The following ADARB2 variants were observed in gnomAD, a reference collection of about 807,000 sequenced individuals.
The protein encoded by ADARB2 is inactive double-stranded RNA-specific editase B2.
A neutral mutation model predicts 62.2 loss-of-function variants in ADARB2; 25 were observed. The ratio of observed to expected loss-of-function variants is 0.40; its 90% CI spans 0.29 to 0.56. The LOEUF is 0.56. ADARB2 is among the 20% of genes least tolerant of loss of function. The probability of loss-of-function intolerance (pLI) is 0.43; values close to 1 mark genes in which losing one functional copy is unlikely to be tolerated. For missense variants in ADARB2, 1,071 were observed against 1,077.4 expected (o/e 0.99, Z 0.08); for synonymous variants, 572 against 500.8 (o/e 1.14, Z -1.90).
chr10:1,653,389 A>C (rs1834134619), intron 1 of ADARB2, among the ~76,000 whole-genome samples: 1 of 152,184 alleles, frequency 6.6e-6, no homozygotes, highest in Non-Finnish European at 1.5e-5. Context: ...GTCCAGGGGC[A>C]TGAAGAGGCT....
chr10:1,723,668 C>G (rs78173546), intron 1 of ADARB2, among the ~76,000 whole-genome samples: 51 of 152,028 alleles, frequency 3.4e-4, no homozygotes, highest in African/African-American at 1.2e-3. Context: ...AGAATCACCA[C>G]GGTTCTCTCC....
chr10:1,333,298 A>C (rs1166978197), intron 3 of ADARB2, among the ~76,000 whole-genome samples: 2 of 152,144 alleles, frequency 1.3e-5, no homozygotes, highest in East Asian at 3.9e-4. Context: ...CTGTGGTCTC[A>C]ATGTGTGCCA....
chr10:1,679,280 C>T (rs962652211), intron 1 of ADARB2, among the ~76,000 whole-genome samples: 5 of 152,030 alleles, frequency 3.3e-5, no homozygotes, highest in Non-Finnish European at 5.9e-5. Context: ...CTCACTTTTC[C>T]GAGTGTCCTG....
rs370329857 is a variant in ADARB2 at position 1,565,022 on chromosome 10, C to T, written c.100+172029G>A. ...CCTGGGGGCCGACGTGCAGCAGCAC[C>T]GGTGCCTTCCCCTCCCTCCCGTGCA... On this transcript the variant is annotated intron_variant, in intron 1 of 9. Coordinates refer to ENST00000381312, the MANE Select transcript of ADARB2 (RefSeq NM_018702.4). 4.6e-5 allele frequency among the ~76,000 whole-genome samples: 7 copies of T among 152,308 alleles called. No homozygotes were observed. In the South Asian group the frequency reaches 8.3e-4, roughly 18 times the overall value.
chr10:1,595,826 A>G (rs1162830883), intron 1 of ADARB2, among the ~76,000 whole-genome samples: 1 of 152,264 alleles, frequency 6.6e-6, no homozygotes, highest in Non-Finnish European at 1.5e-5. Context: ...AGATCAGAGC[A>G]GCCCTAGGCC....
intron 7 of ADARB2, among the ~76,000 whole-genome samples, chr10:1,207,168 G>A (rs1589151427): frequency 6.6e-6 from 1 of 152,034 alleles, no homozygotes; most frequent in Admixed American, 6.5e-5. Flanking sequence ...CCAACGTGGC[G>A]AAACCCTGTC....
At chr10:1,524,280 T>C (rs12415287) in intron 1 of ADARB2, among the ~76,000 whole-genome samples, 3 of 152,226 alleles carry the variant, frequency 2.0e-5, no homozygotes, top group Non-Finnish European at 4.4e-5. Flanking sequence ...CACAGGTGTT[T>C]TGATGCCTAT....
intron 2 of ADARB2, among the ~76,000 whole-genome samples, chr10:1,366,386 A>G (rs2805578): frequency 0.92 from 139,778 of 152,236 alleles, 65,378 homozygotes; most frequent in South Asian, 1. Context: ...GGTCCATACT[A>G]CCCTCGCTGG....
chr10:1,581,716 G>A (rs145108687), intron 1 of ADARB2, among the ~76,000 whole-genome samples: 74 of 152,260 alleles, frequency 4.9e-4, no homozygotes, highest in African/African-American at 1.8e-3. Context: ...TGTATACACA[G>A]CACATACAGA....
At chr10:1,698,453 G>A (rs180806947) in intron 1 of ADARB2, among the ~76,000 whole-genome samples, 4 of 152,298 alleles carry the variant, frequency 2.6e-5, no homozygotes, top group Admixed American at 2.6e-4. Flanking sequence ...TCCTCTTCCT[G>A]CCTTCCAGAC....
intron 1 of ADARB2, among the ~76,000 whole-genome samples, chr10:1,481,020 A>G (rs1831463528): frequency 6.6e-6 from 1 of 152,218 alleles, no homozygotes. Context: ...ATCTTTAAGA[A>G]AAGGAGAACA....
intron 1 of ADARB2, among the ~76,000 whole-genome samples, chr10:1,501,533 AT>A (rs1831768449): frequency 6.6e-6 from 1 of 152,184 alleles, no homozygotes; most frequent in Non-Finnish European, 1.5e-5. Context: ...CCCCCACAAC[AT>A]GTACACAAAC....
chr10:1,575,390 T>G (rs1832996848), intron 1 of ADARB2, among the ~76,000 whole-genome samples: 2 of 152,222 alleles, frequency 1.3e-5, no homozygotes, highest in African/African-American at 4.8e-5. Context: ...AAATGCATGC[T>G]TGTTCTGGCA....
At chr10:1,482,549 CAG>C in intron 1 of ADARB2, among the ~76,000 whole-genome samples, 1 of 152,234 alleles carries the variant, frequency 6.6e-6, no homozygotes, top group East Asian at 1.9e-4. Context: ...TTAATGGGGA[CAG>C]AGTTTCAGTT....
chr10:1,370,870 A>G (rs1055148875), intron 2 of ADARB2, among the ~76,000 whole-genome samples: 1 of 152,258 alleles, frequency 6.6e-6, no homozygotes, highest in Non-Finnish European at 1.5e-5. Flanking sequence ...TAAAATGTCC[A>G]CATTGCCTAA....
intron 1 of ADARB2, among the ~76,000 whole-genome samples, chr10:1,602,509 G>A (rs1833430206): frequency 6.6e-6 from 1 of 152,158 alleles, no homozygotes; most frequent in Admixed American, 6.5e-5. Context: ...TAAATGAGGA[G>A]GGCACGACTT....
intron 3 of ADARB2, among the ~76,000 whole-genome samples, chr10:1,354,651 G>A (rs1385009638): frequency 6.6e-6 from 1 of 152,214 alleles, no homozygotes; most frequent in East Asian, 1.9e-4. Flanking sequence ...GGGCCCTCCT[G>A]GGCATCCTTG....
At chr10:1,673,745 C>A (rs1834424071) in intron 1 of ADARB2, among the ~76,000 whole-genome samples, 1 of 152,192 alleles carries the variant, frequency 6.6e-6, no homozygotes, top group African/African-American at 2.4e-5. Context: ...CAGGAGCCTT[C>A]AGGGCTGAGG....
chr10:1,724,271 C>T (rs535235442), intron 1 of ADARB2, among the ~76,000 whole-genome samples: 3 of 152,288 alleles, frequency 2.0e-5, no homozygotes, highest in Admixed American at 2.0e-4. Flanking sequence ...CTGCATCTGG[C>T]CCATACAGAA....
Sources: allele counts gnomAD v4.1 joint callset (sites outside exome capture counted in the v4.1 genomes callset), GRCh38; gene constraint gnomAD v4.1.1; transcripts MANE v1.5; gene names NCBI Gene and HGNC (gene_info 2026-07-23, HGNC 2026-07-21).